The following CD86 variants were observed in gnomAD, a reference collection of about 807,000 sequenced individuals.
The protein encoded by CD86 is T-lymphocyte activation antigen CD86.
A neutral mutation model predicts 32.1 loss-of-function variants in CD86; 11 were observed. That is an observed-to-expected ratio of 0.34 (90% CI 0.22 to 0.57). CD86 has a LOEUF of 0.57. Among genes scored for constraint, CD86 ranks in the 20% least tolerant of loss-of-function variants. The pLI is 0.86. For synonymous variants in CD86, 137 were observed against 135.3 expected (o/e 1.01, Z -0.09); for missense variants, 359 against 398.4 (o/e 0.90, Z 0.84).
At chr3:122,109,127 C>T in intron 4 of CD86, 138 bp from the exon 5 acceptor site, 2 of 821,872 alleles carry the variant, frequency 2.4e-6, no homozygotes, top group South Asian at 1.9e-5. Flanking sequence ...TTTCTATGGC[C>T]TCCTATTGTG....
intron 1 of CD86, among the ~76,000 whole-genome samples, chr3:122,081,773 C>A (rs1215619748): frequency 3.9e-5 from 6 of 152,132 alleles, no homozygotes; most frequent in Non-Finnish European, 1.5e-5. Flanking sequence ...TTCTAACATG[C>A]AGGGTACAGT....
chr3:122,095,082 GTCCTAGGGC>G (rs2072885142), intron 2 of CD86, among the ~76,000 whole-genome samples: 1 of 152,020 alleles, frequency 6.6e-6, no homozygotes, highest in South Asian at 2.1e-4. Context: ...GGTTCTCTGG[GTCCTAGGGC>G]TTTCTCATTT....
At chr3:122,090,106 G>A (rs556169558) in intron 1 of CD86, among the ~76,000 whole-genome samples, 2 of 152,222 alleles carry the variant, frequency 1.3e-5, no homozygotes, top group East Asian at 3.9e-4. Context: ...AGGCTGGGAG[G>A]CAGACTTGCT....
At chr3:122,105,143 T>C (rs887705477) in intron 3 of CD86, among the ~76,000 whole-genome samples, 2 of 152,248 alleles carry the variant, frequency 1.3e-5, no homozygotes, top group African/African-American at 4.8e-5. Flanking sequence ...TTTCAAAATG[T>C]GGTCAGGTAC....
chr3:122,079,731 C>G (rs575906376), intron 1 of CD86, among the ~76,000 whole-genome samples: 5 of 152,268 alleles, frequency 3.3e-5, no homozygotes, highest in African/African-American at 9.6e-5. Context: ...GAAATAGGCG[C>G]CATTTTGAAT....
intron 4 of CD86, 94 bp from the exon 5 acceptor site, chr3:122,109,171 G>A (rs1448823884): frequency 2.3e-6 from 3 of 1,323,640 alleles, no homozygotes; most frequent in Non-Finnish European, 3.1e-6. Context: ...GAGCCCTGGG[G>A]AGAGGCTGGC....
chr3:122,112,212 A>C (rs1447953979), intron 5 of CD86, among the ~76,000 whole-genome samples: 2 of 152,336 alleles, frequency 1.3e-5, no homozygotes, highest in South Asian at 2.1e-4. Flanking sequence ...CGGTTTTTAC[A>C]GCTTGCCTCC....
At chr3:122,115,234 TG>T (rs1435292192) in intron 5 of CD86, among the ~76,000 whole-genome samples, 3 of 152,036 alleles carry the variant, frequency 2.0e-5, no homozygotes, top group Admixed American at 6.6e-5. Context: ...AATTGTACAT[TG>T]AAAAAAATTA....
chr3:122,112,795 T>C (rs145956207), intron 5 of CD86, among the ~76,000 whole-genome samples: 348 of 152,358 alleles, frequency 2.3e-3, no homozygotes, highest in African/African-American at 7.6e-3. Flanking sequence ...TCTGAAATAC[T>C]GTATTCAACT....
intron 5 of CD86, 55 bp downstream of exon 5, chr3:122,109,463 C>A: frequency 6.3e-7 from 1 of 1,597,212 alleles, no homozygotes; most frequent in Non-Finnish European, 8.6e-7. Context: ...ACTTCCCAAT[C>A]GGCTGGCTGC....
At chr3:122,102,406 C>CAT (rs1291013515) in intron 2 of CD86, among the ~76,000 whole-genome samples, 5 of 56,134 alleles carry the variant, frequency 8.9e-5, no homozygotes, top group African/African-American at 4.2e-4. Flanking sequence ...CCACTGCTTA[C>CAT]TTTTTTTTTT....
chr3:122,087,931 C>T (rs1176680645), intron 1 of CD86, among the ~76,000 whole-genome samples: 1 of 152,174 alleles, frequency 6.6e-6, no homozygotes, highest in African/African-American at 2.4e-5. Flanking sequence ...AGGGTCAGTG[C>T]TTCTCCCCAC....
chr3:122,107,037 T>A (rs2073103832), intron 4 of CD86, among the ~76,000 whole-genome samples: 1 of 152,144 alleles, frequency 6.6e-6, no homozygotes, highest in Non-Finnish European at 1.5e-5. Context: ...AAAACTGGAT[T>A]TTTAAAAGGT....
rs2072567047 is a variant in CD86, at chr3:122,077,194, G to T, written c.15-14407G>T. Among the ~76,000 whole-genome samples, 6 of 152,214 alleles carry T rather than the reference G, an allele frequency of 3.9e-5. No homozygotes were observed. In the South Asian group the frequency reaches 1.2e-3, roughly 32 times the overall value. On this transcript the variant is annotated intron_variant, in intron 1 of 6. Coordinates refer to ENST00000330540, the MANE Select transcript of CD86 (RefSeq NM_175862.5). ...GCAGTGCCTGATCAGGGCAGAAAAA[G>T]GAGGCATGCACCTGGGGGAGGATCA...
intron 5 of CD86, among the ~76,000 whole-genome samples, chr3:122,117,598 G>C (rs1432591480): frequency 6.6e-6 from 1 of 152,248 alleles, no homozygotes; most frequent in Non-Finnish European, 1.5e-5. Flanking sequence ...ACTTGGCCTT[G>C]CCCATGCAAC....
chr3:122,071,325 T>C (rs1436711158), intron 1 of CD86, among the ~76,000 whole-genome samples: 1 of 152,202 alleles, frequency 6.6e-6, no homozygotes, highest in Non-Finnish European at 1.5e-5. Flanking sequence ...ACTGATCTTT[T>C]TACTGTCTCC....
chr3:122,063,099 A>G (rs1436298055), intron 1 of CD86, among the ~76,000 whole-genome samples: 1 of 152,212 alleles, frequency 6.6e-6, no homozygotes, highest in Non-Finnish European at 1.5e-5. Flanking sequence ...ATTCTATTCT[A>G]TAACTGTAAT....
At chr3:122,116,227 C>T (rs184183884) in intron 5 of CD86, among the ~76,000 whole-genome samples, 5 of 152,160 alleles carry the variant, frequency 3.3e-5, no homozygotes, top group Admixed American at 2.6e-4. Context: ...AGGGAGAAAA[C>T]GTTTGCAAAA....
intron 1 of CD86, among the ~76,000 whole-genome samples, chr3:122,068,498 A>T (rs190389758): frequency 6.6e-6 from 1 of 152,346 alleles, no homozygotes; most frequent in Non-Finnish European, 1.5e-5. Flanking sequence ...ACGTAAATGC[A>T]CACCCTTAGA....
Sources: gnomAD v4.1 joint callset for allele counts (sites outside exome capture counted in the v4.1 genomes callset) on GRCh38, gnomAD v4.1.1 for gene constraint, MANE v1.5 for transcripts, NCBI Gene and HGNC (gene_info 2026-07-23, HGNC 2026-07-21) for gene names.